TCF12: variants seen among roughly 807,000 people sequenced by gnomAD.
TCF12 encodes transcription factor 12, also known as DNA-binding protein HTF4.
Under a neutral mutation model 86.0 loss-of-function variants are expected in TCF12, and 45 were observed. That is an observed-to-expected ratio of 0.52 (90% confidence interval 0.41 to 0.67). The LOEUF is 0.67. Ranked by LOEUF, TCF12 falls within the 30% of genes least tolerant of loss-of-function variation. TCF12 has a pLI of 0.00. For missense variants in TCF12, 881 were observed against 859.9 expected, an observed-to-expected ratio of 1.02 and a Z score of -0.31; for synonymous variants, 330 against 299.6, an observed-to-expected ratio of 1.10 and a Z score of -1.05.
At chr15:57,125,196 T>C (rs2051551550) in intron 5 of TCF12, among the ~76,000 whole-genome samples, 1 of 152,204 alleles carries the variant, frequency 6.6e-6, no homozygotes, top group African/African-American at 2.4e-5. Context: ...TTGGAACTTT[T>C]ATATGCAGGG....
At chr15:56,986,847 A>G (rs1307435073) in intron 3 of TCF12, among the ~76,000 whole-genome samples, 3 of 152,196 alleles carry the variant, frequency 2.0e-5, no homozygotes, top group African/African-American at 7.2e-5. Context: ...AATTCTGACA[A>G]AATTAGTTAC....
At chr15:56,974,705 G>A (rs2062513392) in intron 3 of TCF12, among the ~76,000 whole-genome samples, 1 of 152,036 alleles carries the variant, frequency 6.6e-6, no homozygotes, top group Admixed American at 6.5e-5. Context: ...GAAACAAATG[G>A]GTTGGAAGAC....
rs140602801 is a variant in TCF12 at position 57,201,462 on chromosome 15, G to A, written c.579+3637G>A. 5.6e-3 allele frequency among the ~76,000 whole-genome samples: 857 copies of A among 152,138 alleles called. 8 individuals carry two copies. Among genetic ancestry groups the A allele is most frequent in the African/African-American group, 0.019 (805 of 41,492 alleles). ...GACCAGACAGGTAAAAGGCCTGGAG[G>A]TGTGAAAAAATAAACACGTGTTGAG... On this transcript the variant is annotated intron_variant, in intron 8 of 20. Transcript: ENST00000333725.
chr15:56,984,387 G>T (rs1299104033), intron 3 of TCF12, among the ~76,000 whole-genome samples: 1 of 151,330 alleles, frequency 6.6e-6, no homozygotes, highest in Non-Finnish European at 1.5e-5. Context: ...GCTAGCTCAG[G>T]TTTGGTACCT....
chr15:56,988,383 A>G (rs1053481595), intron 3 of TCF12, among the ~76,000 whole-genome samples: 2 of 152,218 alleles, frequency 1.3e-5, no homozygotes, highest in African/African-American at 4.8e-5. Context: ...TACTGCAGAC[A>G]TTTGTAACAA....
intron 8 of TCF12, among the ~76,000 whole-genome samples, chr15:57,199,077 A>G (rs1289700684): frequency 6.6e-6 from 1 of 152,180 alleles, no homozygotes; most frequent in Non-Finnish European, 1.5e-5. Context: ...CCTACCTGGA[A>G]GGTTGGCTTG....
At chr15:56,989,781 C>T (rs1379567084) in intron 3 of TCF12, among the ~76,000 whole-genome samples, 1 of 152,124 alleles carries the variant, frequency 6.6e-6, no homozygotes, top group Non-Finnish European at 1.5e-5. Flanking sequence ...GCACCCTCTT[C>T]AGGAAACAGG....
At chr15:57,270,106 C>G (rs1325229794) in intron 18 of TCF12, among the ~76,000 whole-genome samples, 1 of 152,192 alleles carries the variant, frequency 6.6e-6, no homozygotes, top group African/African-American at 2.4e-5. Flanking sequence ...GTTGACCTGC[C>G]TTGCTAGGTT....
chr15:57,169,796 A>G (rs1457755933), intron 6 of TCF12, among the ~76,000 whole-genome samples: 1 of 152,174 alleles, frequency 6.6e-6, no homozygotes, highest in Non-Finnish European at 1.5e-5. Flanking sequence ...GTTTTCACTT[A>G]CGTATTTATA....
chr15:57,217,647 A>G (rs1405085096), intron 8 of TCF12, among the ~76,000 whole-genome samples: 1 of 152,140 alleles, frequency 6.6e-6, no homozygotes, highest in African/African-American at 2.4e-5. Context: ...TCTTCTCCCT[A>G]TTCCTCCTCA....
At chr15:56,918,238 C>T (rs757512794), upstream of TCF12, 16 of 456,198 alleles carry the variant, frequency 3.5e-5, no homozygotes. Context: ...GTCCTGCGGC[C>T]TCGGGTTCCG....
intron 8 of TCF12, among the ~76,000 whole-genome samples, chr15:57,212,730 C>T (rs2058165805): frequency 6.6e-6 from 1 of 152,040 alleles, no homozygotes; most frequent in Admixed American, 6.6e-5. Flanking sequence ...GCTAGGAAGT[C>T]TTTGGCCTAG....
At chr15:57,119,054 A>G (rs1432229974) in intron 5 of TCF12, among the ~76,000 whole-genome samples, 2 of 152,084 alleles carry the variant, frequency 1.3e-5, no homozygotes, top group Non-Finnish European at 2.9e-5. Context: ...TTTGCAGTTA[A>G]TGAAGGGCTA....
At chr15:57,183,479 C>T (rs772059987) in intron 6 of TCF12, among the ~76,000 whole-genome samples, 8 of 152,142 alleles carry the variant, frequency 5.3e-5, no homozygotes, top group Non-Finnish European at 1.0e-4. Flanking sequence ...TGCCCCTATT[C>T]TCTTGCGTAT....
At chr15:56,923,430 T>C (rs1387301679) in intron 3 of TCF12, among the ~76,000 whole-genome samples, 5 of 152,146 alleles carry the variant, frequency 3.3e-5, no homozygotes, top group African/African-American at 1.2e-4. Flanking sequence ...TGTTATGTTA[T>C]TCCTTCATCA....
chr15:57,043,659 C>G (rs2067039229), intron 3 of TCF12, among the ~76,000 whole-genome samples: 1 of 152,148 alleles, frequency 6.6e-6, no homozygotes, highest in African/African-American at 2.4e-5. Context: ...ATATTTAAGT[C>G]AGTAGAATTT....
At chr15:56,979,493 TTATGA>T (rs1310544971) in intron 3 of TCF12, among the ~76,000 whole-genome samples, 1 of 152,202 alleles carries the variant, frequency 6.6e-6, no homozygotes, top group Non-Finnish European at 1.5e-5. Flanking sequence ...AGATCCTGAC[TTATGA>T]TATGCTTATA....
chr15:57,133,568 G>A (rs1327711002), intron 5 of TCF12, among the ~76,000 whole-genome samples: 5 of 151,996 alleles, frequency 3.3e-5, no homozygotes, highest in Non-Finnish European at 5.9e-5. Context: ...GCGCCCCACC[G>A]AGGTGATTGA....
intron 6 of TCF12, among the ~76,000 whole-genome samples, chr15:57,170,697 TTATATATAATATATAA>T (rs1567558532): frequency 0.058 from 1,708 of 29,412 alleles, 95 homozygotes; most frequent in Admixed American, 0.22. Context: ...ATAATATATA[TTATATATAATATATAA>T]TATATATATT....
Sources: gnomAD v4.1 joint callset for allele counts (sites outside exome capture counted in the v4.1 genomes callset) on GRCh38, gnomAD v4.1.1 for gene constraint, MANE v1.5 for transcripts, NCBI Gene and HGNC (gene_info 2026-07-23, HGNC 2026-07-21) for gene names.